EPHA3: variants seen among roughly 807,000 people sequenced by gnomAD.
EPHA3 encodes the protein EPH receptor A3.
EPHA3 carries 42 observed loss-of-function variants against 107.1 expected under a neutral mutation model. The ratio of observed to expected loss-of-function variants is 0.39; its 90% CI spans 0.31 to 0.51. The LOEUF (loss-of-function observed/expected upper bound fraction) is 0.51, where lower values mean the gene tolerates loss of function less well. Ranked by LOEUF, EPHA3 falls within the 20% of genes least tolerant of loss-of-function variation. The pLI, the probability that EPHA3 is intolerant of heterozygous loss-of-function variation, is 0.78. For synonymous variants in EPHA3, 461 were observed against 424.8 expected, an observed-to-expected ratio of 1.09 and a Z score of -1.05; for missense variants, 1,183 against 1,211.2, an observed-to-expected ratio of 0.98 and a Z score of 0.35.
rs141456585 is a variant in EPHA3, at chr3:89,117,582, T to A, written c.89-9627T>A. 2.3e-3 allele frequency among the ~76,000 whole-genome samples: 347 copies of A among 152,184 alleles called. 1 individual carries two copies. The highest frequency in any genetic ancestry group is 7.8e-3 in the African/African-American group (324 of 41,546). ...AGCAAAACACCACTCACAGGAAAAGTCTATTTGCAGCACTGTGTGGTGTGT... is the reference window on the plus strand; with the variant it reads ...AGCAAAACACCACTCACAGGAAAAGACTATTTGCAGCACTGTGTGGTGTGT... On this transcript the variant is annotated intron_variant, in intron 1 of 16. Coordinates refer to ENST00000336596, the MANE Select transcript of EPHA3 (RefSeq NM_005233.6).
rs557508663 is a variant in EPHA3, at chr3:89,181,732, A to T, written c.154-28128A>T. 7.2e-5 allele frequency among the ~76,000 whole-genome samples: 11 copies of T among 152,128 alleles called. 1 individual carries two copies. In the East Asian group the frequency reaches 1.7e-3, roughly 24 times the overall value. On this transcript the variant is annotated intron_variant, in intron 2 of 16. Coordinates refer to ENST00000336596, the MANE Select transcript of EPHA3 (RefSeq NM_005233.6). Reference sequence around the variant, plus strand: ...TGAAATACCTTGTTCAAAAACTAACAACTTTAAGATTGTGGCAGCAGATCG... The same window carrying T: ...TGAAATACCTTGTTCAAAAACTAACTACTTTAAGATTGTGGCAGCAGATCG...
At chr3:89,380,530 T>C (rs772183171) in intron 5 of EPHA3, among the ~76,000 whole-genome samples, 2 of 152,130 alleles carry the variant, frequency 1.3e-5, no homozygotes, top group Non-Finnish European at 2.9e-5. Context: ...TTCTTACTTA[T>C]ACGAATGAAA....
chr3:89,386,640 A>G (rs1417194281), intron 5 of EPHA3, among the ~76,000 whole-genome samples: 1 of 152,186 alleles, frequency 6.6e-6, no homozygotes, highest in East Asian at 1.9e-4. Context: ...CTGCCTAGTG[A>G]AGCTGTGAGA....
rs1708035971 is a variant in EPHA3 at position 89,359,301 on chromosome 3, G to T, written c.1306+17211G>T. On this transcript the variant is annotated intron_variant, in intron 5 of 16. Transcript: ENST00000336596. ...AGGTTTTACTAGTTTGCTAATATTT[G>T]TTAAGACATACATGTTTACAAACCT... Among the ~76,000 whole-genome samples, 2 of 150,788 alleles carry T rather than the reference G, an allele frequency of 1.3e-5. 1 individual carries two copies.
At chr3:89,398,368 C>G (rs1028999779) in intron 6 of EPHA3, among the ~76,000 whole-genome samples, 1 of 152,114 alleles carries the variant, frequency 6.6e-6, no homozygotes, top group African/African-American at 2.4e-5. Context: ...AAGCTTGACA[C>G]AAAGAGACCA....
intron 2 of EPHA3, among the ~76,000 whole-genome samples, chr3:89,203,249 T>C (rs1392124871): frequency 6.6e-6 from 1 of 150,900 alleles, no homozygotes; most frequent in Non-Finnish European, 1.5e-5. Flanking sequence ...GGTTTTGTTT[T>C]TGTTGTTGTT....
chr3:89,114,627 C>A (rs1032146372), intron 1 of EPHA3, among the ~76,000 whole-genome samples: 2 of 152,174 alleles, frequency 1.3e-5, no homozygotes, highest in African/African-American at 4.8e-5. Context: ...GGTGGGTGGG[C>A]GAGCGCAGCC....
intron 3 of EPHA3, among the ~76,000 whole-genome samples, chr3:89,264,203 AC>A (rs1705484958): frequency 6.6e-6 from 1 of 152,062 alleles, no homozygotes; most frequent in African/African-American, 2.4e-5. Context: ...AATCTGTGAA[AC>A]TCTTAAATGA....
At position 89,480,975 on chromosome 3, in the gene EPHA3, G is replaced by C; in HGVS notation, c.*1473G>C. On this transcript the variant is annotated 3_prime_UTR_variant, in exon 17 of 17. Transcript: ENST00000336596. ...GGATTTAGACTTACTATTACATAAA[G>C]GCTAACTATGAGCTTGCTCATTAAT... 4.3e-6 allele frequency: 1 copy of C among 231,770 alleles called. No individual in the cohort carries two copies. Among genetic ancestry groups the C allele is most frequent in the Non-Finnish European group, 8.5e-6 (1 of 117,058 alleles). 14.4% of individuals were successfully genotyped at this position (231,770 alleles called of 1,614,324 possible).
chr3:89,375,482 G>A (rs1482803816), intron 5 of EPHA3, among the ~76,000 whole-genome samples: 4 of 151,678 alleles, frequency 2.6e-5, no homozygotes, highest in Non-Finnish European at 4.4e-5. Flanking sequence ...TCCTGTTGCT[G>A]AAGAGTGGGA....
Position 89,219,702 on chromosome 3 carries a change from TGTTTTTTG to T in EPHA3, c.814+9183_814+9190del, listed in dbSNP as rs1430615281. 8.4e-3 allele frequency among the ~76,000 whole-genome samples: 226 copies of T among 26,910 alleles called. 37 individuals are homozygous for T. Among genetic ancestry groups the T allele is most frequent in the Middle Eastern group, 0.025 (1 of 40 alleles). The allele number at this position is 26,910 out of a possible 152,430, so 17.7% of individuals were successfully genotyped here. On this transcript the variant is annotated intron_variant, in intron 3 of 16. Transcript: ENST00000336596. ...CATTTGGCAATGTTTTTTTTTTTTT[TGTTTTTTG>T]TTTTTTTTTTTTTTTTGAGACGGAG...
At chr3:89,243,985 G>A (rs114222160) in intron 3 of EPHA3, among the ~76,000 whole-genome samples, 195 of 152,060 alleles carry the variant, frequency 1.3e-3, no homozygotes, top group African/African-American at 4.3e-3. Context: ...CTTTGATATT[G>A]TCTCCCCTAT....
intron 3 of EPHA3, among the ~76,000 whole-genome samples, chr3:89,309,770 A>G (rs1706720731): frequency 6.6e-6 from 1 of 152,132 alleles, no homozygotes; most frequent in Admixed American, 6.6e-5. Flanking sequence ...ACATTCAAGA[A>G]AAAAATGTTT....
intron 2 of EPHA3, among the ~76,000 whole-genome samples, chr3:89,158,700 C>T (rs1004869366): frequency 1.3e-5 from 2 of 152,136 alleles, no homozygotes; most frequent in African/African-American, 4.8e-5. Flanking sequence ...ACATATTTTA[C>T]AGTGGGCCTC....
At chr3:89,239,760 T>C (rs1704851663) in intron 3 of EPHA3, among the ~76,000 whole-genome samples, 1 of 152,228 alleles carries the variant, frequency 6.6e-6, no homozygotes, top group South Asian at 2.1e-4. Flanking sequence ...TTTGCCCTTT[T>C]TCTAATCTTC....
At chr3:89,212,088 T>A (rs191342617) in intron 3 of EPHA3, among the ~76,000 whole-genome samples, 4 of 151,906 alleles carry the variant, frequency 2.6e-5, no homozygotes, top group Non-Finnish European at 1.5e-5. Flanking sequence ...CTTAAACTGA[T>A]AAGGAGTGGT....
chr3:89,340,645 T>C (rs1707497678), intron 3 of EPHA3, among the ~76,000 whole-genome samples: 1 of 152,200 alleles, frequency 6.6e-6, no homozygotes, highest in Non-Finnish European at 1.5e-5. Flanking sequence ...CAAGTAAAGC[T>C]GTGAAAACAC....
chr3:89,334,878 C>T (rs1334257352), intron 3 of EPHA3, among the ~76,000 whole-genome samples: 1 of 152,120 alleles, frequency 6.6e-6, no homozygotes, highest in Non-Finnish European at 1.5e-5. Flanking sequence ...CTTCCTAGTC[C>T]AGTGCTTTTC....
intron 3 of EPHA3, among the ~76,000 whole-genome samples, chr3:89,332,537 G>A (rs1031448604): frequency 2.6e-5 from 4 of 152,190 alleles, no homozygotes; most frequent in Non-Finnish European, 1.5e-5. Context: ...ATGACTGAAC[G>A]TAGCCACTTC....
Sources: allele counts gnomAD v4.1 joint callset (sites outside exome capture counted in the v4.1 genomes callset), GRCh38; gene constraint gnomAD v4.1.1; transcripts MANE v1.5; gene names NCBI Gene and HGNC (gene_info 2026-07-23, HGNC 2026-07-21).